Variants in ADAMTSL1 observed in about 807,000 individuals in gnomAD.
The protein encoded by ADAMTSL1 is ADAMTS like 1, also known as ADAMTS-like protein 1.
In ADAMTSL1, 126 loss-of-function variants were observed where a neutral mutation model predicts 201.8. The observed-to-expected ratio is 0.62, with a 90% CI of 0.54 to 0.72. ADAMTSL1 has a LOEUF of 0.72. Ranked by LOEUF, ADAMTSL1 falls within the 30% of genes least tolerant of loss-of-function variation. The pLI is 0.00. For synonymous variants in ADAMTSL1, 1,121 were observed against 903.4 expected, an observed-to-expected ratio of 1.24 and a Z score of -4.32; for missense variants, 2,679 against 2,277.8, an observed-to-expected ratio of 1.18 and a Z score of -3.59.
At chr9:18,215,874 A>G (rs192653985) in intron 2 of ADAMTSL1, among the ~76,000 whole-genome samples, 27 of 152,284 alleles carry the variant, frequency 1.8e-4, no homozygotes, top group Admixed American at 1.8e-3. Flanking sequence ...AAGAGACACC[A>G]CATGTCACTT....
chr9:18,778,376 C>T (rs1821188557), intron 19 of ADAMTSL1, among the ~76,000 whole-genome samples: 1 of 152,220 alleles, frequency 6.6e-6, no homozygotes. Flanking sequence ...GTGAGCCCAT[C>T]GTGTATCTGT....
At chr9:18,085,904 A>G (rs2131795761) in intron 1 of ADAMTSL1, among the ~76,000 whole-genome samples, 1 of 152,116 alleles carries the variant, frequency 6.6e-6, no homozygotes, top group South Asian at 2.1e-4. Context: ...TGTAGCCAAG[A>G]GATGATAGTG....
intron 1 of ADAMTSL1, among the ~76,000 whole-genome samples, chr9:17,976,627 C>A (rs2840787): frequency 6.6e-6 from 1 of 151,590 alleles, no homozygotes; most frequent in Non-Finnish European, 1.5e-5. Flanking sequence ...GTCCTAACAG[C>A]TTTTTGGTGA....
At chr9:18,669,301 A>G (rs1338820659) in intron 9 of ADAMTSL1, among the ~76,000 whole-genome samples, 1 of 152,264 alleles carries the variant, frequency 6.6e-6, no homozygotes. Context: ...TATTAGTCCC[A>G]CTTATTTAAA....
intron 15 of ADAMTSL1, among the ~76,000 whole-genome samples, chr9:18,739,569 G>T (rs900240288): frequency 3.9e-5 from 6 of 152,076 alleles, no homozygotes; most frequent in Admixed American, 3.9e-4. Context: ...CCCTTAACTC[G>T]CCCTGAGGTA....
At chr9:18,585,194 T>G (rs1402181049) in intron 4 of ADAMTSL1, among the ~76,000 whole-genome samples, 1 of 152,220 alleles carries the variant, frequency 6.6e-6, no homozygotes, top group African/African-American at 2.4e-5. Flanking sequence ...TTCTGATATA[T>G]TAACATTGTT....
chr9:18,867,478 A>T (rs1461152516), intron 23 of ADAMTSL1, among the ~76,000 whole-genome samples: 1 of 152,210 alleles, frequency 6.6e-6, no homozygotes, highest in Non-Finnish European at 1.5e-5. Context: ...GTAATTTCAC[A>T]TATATACAAA....
chr9:18,591,556 GGTTA>G (rs750819201), intron 4 of ADAMTSL1, among the ~76,000 whole-genome samples: 28 of 151,994 alleles, frequency 1.8e-4, no homozygotes, highest in Non-Finnish European at 2.9e-4. Flanking sequence ...ATTGCCATTT[GGTTA>G]GTTGTTTTCT....
intron 4 of ADAMTSL1, among the ~76,000 whole-genome samples, chr9:18,599,444 C>T (rs1824484466): frequency 6.6e-6 from 1 of 152,110 alleles, no homozygotes; most frequent in Non-Finnish European, 1.5e-5. Context: ...TTTAGAGGAG[C>T]ACTGATTCTC....
At position 18,044,674 on chromosome 9, in the gene ADAMTSL1, T is replaced by G. The variant is rs148123816; in HGVS notation, c.88-119188T>G. On this transcript the variant is annotated intron_variant, in intron 1 of 29. Transcript: ENST00000680146. ...CAAACTGCCAGGTGAAGCCAGAATA[T>G]TCAGTGATCTCAGTTCTAAAATTAT... 2.8e-4 allele frequency among the ~76,000 whole-genome samples: 42 copies of G among 152,264 alleles called. 1 individual carries two copies. Among genetic ancestry groups the G allele is most frequent in the African/African-American group, 9.9e-4 (41 of 41,566 alleles).
chr9:18,162,933 C>T (rs951703641), intron 1 of ADAMTSL1, among the ~76,000 whole-genome samples: 1 of 151,934 alleles, frequency 6.6e-6, no homozygotes, highest in Non-Finnish European at 1.5e-5. Flanking sequence ...ATATGAAAGG[C>T]ATCACACTAA....
intron 2 of ADAMTSL1, among the ~76,000 whole-genome samples, chr9:18,303,983 C>CCCGTT (rs1833805834): frequency 6.6e-6 from 1 of 152,106 alleles, no homozygotes; most frequent in Non-Finnish European, 1.5e-5. Flanking sequence ...GAGCTCTCCA[C>CCCGTT]CCGTTCCGAC....
intron 1 of ADAMTSL1, among the ~76,000 whole-genome samples, chr9:18,098,608 A>G (rs953056939): frequency 1.3e-5 from 2 of 152,218 alleles, no homozygotes; most frequent in Admixed American, 1.3e-4. Flanking sequence ...ACTAAATCTA[A>G]TTGCTTTGGA....
chr9:18,030,879 T>C (rs1367216619), intron 1 of ADAMTSL1, among the ~76,000 whole-genome samples: 3 of 152,154 alleles, frequency 2.0e-5, no homozygotes, highest in Non-Finnish European at 4.4e-5. Context: ...TTTTTCTTTA[T>C]TTTTGTCTCA....
intron 1 of ADAMTSL1, among the ~76,000 whole-genome samples, chr9:17,964,335 A>G (rs920168490): frequency 2.0e-5 from 3 of 152,064 alleles, no homozygotes; most frequent in Admixed American, 6.6e-5. Flanking sequence ...GAAACTATAT[A>G]TTCTCCAACC....
chr9:18,328,096 CAGAG>C (rs757890349), intron 2 of ADAMTSL1, among the ~76,000 whole-genome samples: 1 of 152,170 alleles, frequency 6.6e-6, no homozygotes, highest in Non-Finnish European at 1.5e-5. Context: ...CAAAGATCAT[CAGAG>C]ATTATGCAGA....
At chr9:18,184,748 A>G (rs1331786814) in intron 2 of ADAMTSL1, among the ~76,000 whole-genome samples, 8 of 152,342 alleles carry the variant, frequency 5.3e-5, no homozygotes, top group South Asian at 4.1e-4. Flanking sequence ...TGAGGCAGCA[A>G]TATTATTTCT....
At chr9:17,978,261 G>C (rs779507331) in intron 1 of ADAMTSL1, among the ~76,000 whole-genome samples, 23 of 151,940 alleles carry the variant, frequency 1.5e-4, no homozygotes. Flanking sequence ...TATGTCTTTT[G>C]GTTGGAAAAT....
At chr9:18,323,087 A>G (rs1834691676) in intron 2 of ADAMTSL1, among the ~76,000 whole-genome samples, 1 of 152,202 alleles carries the variant, frequency 6.6e-6, no homozygotes, top group African/African-American at 2.4e-5. Context: ...ATGCTGCAAG[A>G]AAGGGATATT....
Sources: gnomAD v4.1 joint callset for allele counts (sites outside exome capture counted in the v4.1 genomes callset) on GRCh38, gnomAD v4.1.1 for gene constraint, MANE v1.5 for transcripts, NCBI Gene and HGNC (gene_info 2026-07-23, HGNC 2026-07-21) for gene names.